The following ZNRF2 variants were observed in gnomAD, a reference collection of about 807,000 sequenced individuals.
ZNRF2 encodes the protein zinc and ring finger 2, also known as E3 ubiquitin-protein ligase ZNRF2.
In ZNRF2, 16 loss-of-function variants were observed where a neutral mutation model predicts 20.4. The ratio of observed to expected loss-of-function variants is 0.79; its 90% CI spans 0.53 to 1.19. The LOEUF (loss-of-function observed/expected upper bound fraction) is 1.19, where lower values mean the gene tolerates loss of function less well. Among genes scored for constraint, ZNRF2 ranks in the 50% most tolerant of loss-of-function variants. The pLI is 0.00. For synonymous variants in ZNRF2, 178 were observed against 144.9 expected, an observed-to-expected ratio of 1.23 and a Z score of -1.64; for missense variants, 363 against 332.4, an observed-to-expected ratio of 1.09 and a Z score of -0.72.
chr7:30,342,871 C>G (rs533847395), intron 2 of ZNRF2, among the ~76,000 whole-genome samples: 2 of 152,140 alleles, frequency 1.3e-5, no homozygotes, highest in South Asian at 2.1e-4. Context: ...TTGAGAGTAT[C>G]TTTATCCAAG....
intron 1 of ZNRF2, among the ~76,000 whole-genome samples, chr7:30,296,509 A>C (rs1468793179): frequency 6.6e-6 from 1 of 152,200 alleles, no homozygotes; most frequent in Non-Finnish European, 1.5e-5. Context: ...GGCAACCTGG[A>C]TGACTTGGCA....
At chr7:30,304,786 T>TTA (rs1283902874) in intron 1 of ZNRF2, among the ~76,000 whole-genome samples, 11 of 152,190 alleles carry the variant, frequency 7.2e-5, no homozygotes, top group Admixed American at 7.2e-4. Context: ...TGCTTCCTCA[T>TTA]TAACCCACCA....
intron 1 of ZNRF2, among the ~76,000 whole-genome samples, chr7:30,309,513 T>A (rs1799258299): frequency 6.6e-6 from 1 of 152,210 alleles, no homozygotes; most frequent in Non-Finnish European, 1.5e-5. Flanking sequence ...CTTTCACATC[T>A]GTCAACCTTT....
chr7:30,351,471 T>C (rs1396682453), intron 2 of ZNRF2, among the ~76,000 whole-genome samples: 1 of 152,070 alleles, frequency 6.6e-6, no homozygotes, highest in African/African-American at 2.4e-5. Flanking sequence ...TCAGTTATTT[T>C]ATCCAGAAGA....
intron 2 of ZNRF2, among the ~76,000 whole-genome samples, chr7:30,328,872 C>T (rs1459260385): frequency 2.6e-5 from 4 of 152,140 alleles, no homozygotes; most frequent in African/African-American, 9.7e-5. Flanking sequence ...TTATCTATTG[C>T]AGATGGTATT....
At chr7:30,351,157 A>T (rs1363888495) in intron 2 of ZNRF2, among the ~76,000 whole-genome samples, 1 of 151,888 alleles carries the variant, frequency 6.6e-6, no homozygotes, top group Admixed American at 6.6e-5. Flanking sequence ...TCTTTGGACA[A>T]TGCAAATTTT....
At chr7:30,331,930 A>C (rs1799641209) in intron 2 of ZNRF2, among the ~76,000 whole-genome samples, 1 of 152,196 alleles carries the variant, frequency 6.6e-6, no homozygotes, top group African/African-American at 2.4e-5. Context: ...GTCATATAAG[A>C]AATTTGACAG....
At chr7:30,311,766 C>CT (rs1562609013) in intron 1 of ZNRF2, among the ~76,000 whole-genome samples, 1 of 152,120 alleles carries the variant, frequency 6.6e-6, no homozygotes, top group Non-Finnish European at 1.5e-5. Flanking sequence ...ACTGGTAACA[C>CT]TGAGTCCAAT....
At position 30,285,533 on chromosome 7, in the gene ZNRF2, CCAGCGCCTCCGG is replaced by C; in HGVS notation, c.178_189del (p.Ser60_Gly63del). 1 of 988,650 alleles carries C rather than the reference CCAGCGCCTCCGG, an allele frequency of 1.0e-6. No individual in the cohort carries two copies. Among genetic ancestry groups the C allele is most frequent in the South Asian group, 4.5e-5 (1 of 22,012 alleles). 61.2% of individuals were successfully genotyped at this position (988,650 alleles called of 1,614,324 possible). A position where few individuals can be genotyped will look rare whatever the true frequency, so the allele number is the denominator to read the frequency against. ...GCTCAGGTGCCCAGCGCGCACCAGC[CCAGCGCCTCCGG>C]CGGCGCCGCGGCGGCCGCGGCGGCC... On this transcript the variant is annotated inframe_deletion, in exon 1 of 5. Coordinates refer to ENST00000323037, the MANE Select transcript of ZNRF2 (RefSeq NM_147128.4).
intron 1 of ZNRF2, among the ~76,000 whole-genome samples, chr7:30,312,468 T>C (rs1177327491): frequency 6.6e-6 from 1 of 152,180 alleles, no homozygotes; most frequent in Non-Finnish European, 1.5e-5. Flanking sequence ...GAGCTGTCTT[T>C]GTTCAATTGA....
intron 3 of ZNRF2, 112 bp downstream of exon 3, chr7:30,355,945 A>G: frequency 1.5e-6 from 1 of 661,544 alleles, no homozygotes; most frequent in Non-Finnish European, 2.6e-6. Flanking sequence ...TGTCTCACAC[A>G]CACTTCTTAA....
chr7:30,330,278 A>G (rs1408529234), intron 2 of ZNRF2, among the ~76,000 whole-genome samples: 1 of 152,204 alleles, frequency 6.6e-6, no homozygotes, highest in African/African-American at 2.4e-5. Context: ...TTGTGAATCA[A>G]AACAGAGCTA....
chr7:30,285,283 C>G lies in ZNRF2; in HGVS notation c.-75C>G, dbSNP rs1454987735. On this transcript the variant is annotated 5_prime_UTR_variant, in exon 1 of 5. Coordinates refer to ENST00000323037, the MANE Select transcript of ZNRF2 (RefSeq NM_147128.4). ...GGCCGCGGCGCCTGGGCCCTGCCCT[C>G]TAGCTCCCGCGCTCGCTCCCGCCCT... The G allele has an allele frequency of 7.8e-6, 8 of 1,020,806 alleles. No homozygotes were observed. The Admixed American group carries it at 4.5e-4, about 58-fold the overall frequency. The allele number at this position is 1,020,806 out of a possible 1,614,324, so 63.2% of individuals were successfully genotyped here. A position where few individuals can be genotyped will look rare whatever the true frequency, so the allele number is the denominator to read the frequency against.
intron 1 of ZNRF2, among the ~76,000 whole-genome samples, chr7:30,298,248 G>A (rs571117194): frequency 6.6e-6 from 1 of 152,166 alleles, no homozygotes; most frequent in East Asian, 1.9e-4. Context: ...GTATGTGTAT[G>A]TATATATATG....
At chr7:30,325,136 A>G (rs577494106) in intron 2 of ZNRF2, among the ~76,000 whole-genome samples, 65 of 152,276 alleles carry the variant, frequency 4.3e-4, no homozygotes, top group East Asian at 2.3e-3. Flanking sequence ...CTTGGGGGGG[A>G]AAAATCAAGT....
At chr7:30,323,237 TTG>T (rs140099650) in intron 1 of ZNRF2, among the ~76,000 whole-genome samples, 4,503 of 152,274 alleles carry the variant, frequency 0.03, 164 homozygotes, top group African/African-American at 0.088. Flanking sequence ...GCTATAAAAC[TTG>T]TGACTCACAG....
At chr7:30,334,727 G>A (rs967433094) in intron 2 of ZNRF2, among the ~76,000 whole-genome samples, 1 of 152,114 alleles carries the variant, frequency 6.6e-6, no homozygotes, top group Admixed American at 6.6e-5. Context: ...GGGAGTGGGA[G>A]GTTAATTAGA....
intron 1 of ZNRF2, among the ~76,000 whole-genome samples, chr7:30,319,190 A>G (rs546668780): frequency 6.6e-6 from 1 of 152,124 alleles, no homozygotes; most frequent in African/African-American, 2.4e-5. Context: ...CCCGGGCTGT[A>G]GTGCAGTGGT....
intron 2 of ZNRF2, among the ~76,000 whole-genome samples, chr7:30,337,672 C>G (rs1479859077): frequency 6.6e-6 from 1 of 152,040 alleles, no homozygotes; most frequent in Admixed American, 6.6e-5. Context: ...ACATGAGACA[C>G]CCATGGAGAA....
Sources: gnomAD v4.1 joint callset for allele counts (sites outside exome capture counted in the v4.1 genomes callset) on GRCh38, gnomAD v4.1.1 for gene constraint, MANE v1.5 for transcripts, NCBI Gene and HGNC (gene_info 2026-07-23, HGNC 2026-07-21) for gene names.